Variants in CSMD1 observed in about 807,000 individuals in gnomAD.
CSMD1 encodes the protein CUB and Sushi multiple domains 1.
CSMD1 carries 213 observed loss-of-function variants against 417.5 expected under a neutral mutation model. The ratio of observed to expected loss-of-function variants is 0.51; its 90% CI spans 0.46 to 0.57. The LOEUF is 0.57. CSMD1 is among the 20% of genes least tolerant of loss of function. The pLI is 0.00. For missense variants in CSMD1, 6,923 were observed against 4,529.7 expected (o/e 1.53, Z -15.17); for synonymous variants, 2,862 against 1,736.8 (o/e 1.65, Z -16.11).
chr8:3,826,531 T>C (rs776025798), intron 5 of CSMD1, among the ~76,000 whole-genome samples: 1 of 152,120 alleles, frequency 6.6e-6, no homozygotes, highest in Admixed American at 6.5e-5. Flanking sequence ...AGATGTTCTG[T>C]CTTCCAAGTC....
rs777899817 is a variant in CSMD1 at position 4,171,236 on chromosome 8, G to A, written c.416-139137C>T. The stretch of plus-strand genomic sequence containing the variant: ...CTACCCGCAAAGGTCCAGCTCAACC[G>A]TTCACTTGTCCATGCAGTTTTCCTA... On this transcript the variant is annotated intron_variant, in intron 3 of 69. Coordinates refer to ENST00000635120, the MANE Select transcript of CSMD1 (RefSeq NM_033225.6). Among the ~76,000 whole-genome samples, 12 of 151,826 alleles carry A rather than the reference G, an allele frequency of 7.9e-5. 1 individual carries two copies. The highest frequency in any genetic ancestry group is 1.5e-4 in the African/African-American group (6 of 41,120).
At chr8:3,898,677 G>C (rs1043136249) in intron 5 of CSMD1, among the ~76,000 whole-genome samples, 57 of 152,284 alleles carry the variant, frequency 3.7e-4, no homozygotes, top group Non-Finnish European at 3.4e-4. Flanking sequence ...TTGTTGGTTT[G>C]TTTCTCATTC....
intron 12 of CSMD1, among the ~76,000 whole-genome samples, chr8:3,428,448 A>AC (rs1813995486): frequency 6.6e-6 from 1 of 152,108 alleles, no homozygotes; most frequent in Non-Finnish European, 1.5e-5. Context: ...ATATTAAATC[A>AC]CCCCAAACTG....
chr8:3,798,507 A>G (rs889927324), intron 5 of CSMD1, among the ~76,000 whole-genome samples: 1 of 152,116 alleles, frequency 6.6e-6, no homozygotes, highest in African/African-American at 2.4e-5. Flanking sequence ...TCAAAAGGTG[A>G]GAAAGAAGAG....
chr8:3,729,255 C>A (rs112531814), intron 6 of CSMD1, among the ~76,000 whole-genome samples: 1 of 152,156 alleles, frequency 6.6e-6, no homozygotes, highest in African/African-American at 2.4e-5. Flanking sequence ...TAATGACTGA[C>A]GGCTTGCTAC....
intron 3 of CSMD1, among the ~76,000 whole-genome samples, chr8:4,042,933 C>A (rs1032459750): frequency 6.7e-5 from 10 of 149,070 alleles, no homozygotes; most frequent in Admixed American, 3.3e-4. Context: ...CAAGACCAGT[C>A]TGGCCAAGAG....
chr8:3,798,576 T>G (rs955313063), intron 5 of CSMD1, among the ~76,000 whole-genome samples: 3 of 152,084 alleles, frequency 2.0e-5, no homozygotes, highest in African/African-American at 7.2e-5. Flanking sequence ...GTGATTGCAA[T>G]GAAAAGGCAA....
chr8:3,996,022 G>T (rs1168129438), intron 5 of CSMD1, among the ~76,000 whole-genome samples: 1 of 152,152 alleles, frequency 6.6e-6, no homozygotes, highest in Non-Finnish European at 1.5e-5. Flanking sequence ...TGACAAGGAT[G>T]ATCAATTGTT....
rs140824089 is a variant in CSMD1 at position 3,379,079 on chromosome 8, C to T, written c.2782+8415G>A. On this transcript the variant is annotated intron_variant, in intron 18 of 69. Transcript: ENST00000635120. ...GGATACAATATCAATGTGCGAAAAGCACAAGCATTCCTATACATAAATAAT... is the reference window on the plus strand; with the variant it reads ...GGATACAATATCAATGTGCGAAAAGTACAAGCATTCCTATACATAAATAAT... Among the ~76,000 whole-genome samples the T allele has an allele frequency of 9.5e-4, 145 of 152,276 alleles. 2 individuals are homozygous for T. In the East Asian group the frequency reaches 0.026, roughly 28 times the overall value.
intron 40 of CSMD1, chr8:3,151,153 G>A (rs186283534): frequency 1.9e-4 from 75 of 395,560 alleles, no homozygotes; most frequent in Admixed American, 2.8e-4. Context: ...TACTTCGTAT[G>A]CCTACTATAT....
chr8:3,616,457 C>T (rs909817265), intron 8 of CSMD1, among the ~76,000 whole-genome samples: 2 of 152,126 alleles, frequency 1.3e-5, no homozygotes, highest in Non-Finnish European at 2.9e-5. Flanking sequence ...AAACGTCTTT[C>T]CTTTATAAAT....
At chr8:3,377,391 C>A (rs1810379432) in intron 18 of CSMD1, among the ~76,000 whole-genome samples, 1 of 152,062 alleles carries the variant, frequency 6.6e-6, no homozygotes, top group Non-Finnish European at 1.5e-5. Flanking sequence ...GCTATTGATT[C>A]CTTCGAAAGG....
At chr8:4,974,340 A>G (rs775818159) in intron 1 of CSMD1, among the ~76,000 whole-genome samples, 16 of 152,012 alleles carry the variant, frequency 1.1e-4, no homozygotes, top group Non-Finnish European at 2.2e-4. Context: ...CAGTCTCACA[A>G]TGTCTCACAT....
In CSMD1 at chr8:4,397,517, G is replaced by A. The variant is rs201621660; in HGVS notation, c.415+22436C>T. ...GCCCATGAGCAATGTCAACAAGCCTGAGACTCTTTTTTTTTTTTTTTTTTT... is the reference window on the plus strand; with the variant it reads ...GCCCATGAGCAATGTCAACAAGCCTAAGACTCTTTTTTTTTTTTTTTTTTT... On this transcript the variant is annotated intron_variant, in intron 3 of 69. Transcript: ENST00000635120. Among the ~76,000 whole-genome samples, 74 of 137,176 alleles carry A rather than the reference G, an allele frequency of 5.4e-4. 1 individual carries two copies. In the East Asian group the frequency reaches 0.016, roughly 29 times the overall value. The allele number at this position is 137,176 out of a possible 152,430, so 90.0% of individuals were successfully genotyped here. A position where few individuals can be genotyped will look rare whatever the true frequency, so the allele number is the denominator to read the frequency against.
chr8:4,726,315 TAA>T (rs778884930), intron 1 of CSMD1, among the ~76,000 whole-genome samples: 3 of 141,166 alleles, frequency 2.1e-5, no homozygotes, highest in African/African-American at 2.6e-5. Flanking sequence ...GCGGGTTCTT[TAA>T]AAAAAAAAAA....
At chr8:3,839,636 G>C (rs548340215) in intron 5 of CSMD1, among the ~76,000 whole-genome samples, 2 of 139,038 alleles carry the variant, frequency 1.4e-5, no homozygotes, top group South Asian at 2.2e-4. Flanking sequence ...TGGGCAACAA[G>C]AGTGACACTT....
intron 1 of CSMD1, among the ~76,000 whole-genome samples, chr8:4,673,704 C>T (rs772594377): frequency 6.6e-6 from 1 of 152,166 alleles, no homozygotes; most frequent in Non-Finnish European, 1.5e-5. Flanking sequence ...AGAAAACCCA[C>T]AGCTGGTCAA....
chr8:4,757,738 C>T (rs1181349983), intron 1 of CSMD1, among the ~76,000 whole-genome samples: 2 of 151,986 alleles, frequency 1.3e-5, no homozygotes, highest in African/African-American at 4.8e-5. Context: ...GCAAGCAGAT[C>T]ACTTGAGGCC....
chr8:4,095,568 A>T (rs1403600248), intron 3 of CSMD1, among the ~76,000 whole-genome samples: 1 of 152,210 alleles, frequency 6.6e-6, no homozygotes, highest in African/African-American at 2.4e-5. Flanking sequence ...GAATAAATGT[A>T]TTTGGGAGAG....
Sources: gnomAD v4.1 joint callset for allele counts (sites outside exome capture counted in the v4.1 genomes callset) on GRCh38, gnomAD v4.1.1 for gene constraint, MANE v1.5 for transcripts, NCBI Gene and HGNC (gene_info 2026-07-23, HGNC 2026-07-21) for gene names.